Variants in CCDC102B observed in about 807,000 individuals in gnomAD.
CCDC102B encodes coiled-coil domain-containing protein 102B.
Under a neutral mutation model 57.4 loss-of-function variants are expected in CCDC102B, and 75 were observed. The ratio of observed to expected loss-of-function variants is 1.31; its 90% CI spans 1.08 to 1.58. CCDC102B has a LOEUF of 1.58. Ranked by LOEUF, CCDC102B falls within the 40% of genes most tolerant of loss-of-function variation. The probability of loss-of-function intolerance (pLI) is 0.00; values close to 1 mark genes in which losing one functional copy is unlikely to be tolerated. For missense variants in CCDC102B, 636 were observed against 582.6 expected, an observed-to-expected ratio of 1.09 and a Z score of -0.94; for synonymous variants, 206 against 201.9, an observed-to-expected ratio of 1.02 and a Z score of -0.17.
At chr18:68,929,978 G>T (rs2041613001) in intron 6 of CCDC102B, among the ~76,000 whole-genome samples, 1 of 151,416 alleles carries the variant, frequency 6.6e-6, no homozygotes, top group Non-Finnish European at 1.5e-5. Flanking sequence ...AATAAAAAGA[G>T]TAATTGCCTT....
At chr18:68,765,160 G>A (rs1224390927) in intron 2 of CCDC102B, among the ~76,000 whole-genome samples, 3 of 151,008 alleles carry the variant, frequency 2.0e-5, no homozygotes, top group African/African-American at 7.3e-5. Flanking sequence ...GGAATTTGAG[G>A]CTGCAATAAG....
chr18:68,947,019 TTCACAGGATAAAAA>T (rs2049559588), intron 6 of CCDC102B, among the ~76,000 whole-genome samples: 1 of 152,014 alleles, frequency 6.6e-6, no homozygotes, highest in Non-Finnish European at 1.5e-5. Context: ...TATGATTTGT[TTCACAGGATAAAAA>T]TCACAGCGTT....
chr18:68,749,567 G>C (rs972644221), intron 2 of CCDC102B, among the ~76,000 whole-genome samples: 48 of 152,064 alleles, frequency 3.2e-4, no homozygotes, highest in African/African-American at 1.1e-3. Flanking sequence ...TCATGATTTG[G>C]CTCTCTGTTT....
chr18:68,960,971 A>G (rs932455496), intron 6 of CCDC102B, among the ~76,000 whole-genome samples: 1 of 152,202 alleles, frequency 6.6e-6, no homozygotes, highest in Non-Finnish European at 1.5e-5. Flanking sequence ...CCAATCCATT[A>G]TATACAGTGG....
intron 7 of CCDC102B, among the ~76,000 whole-genome samples, chr18:69,053,019 G>A (rs1277627991): frequency 1.3e-5 from 2 of 151,788 alleles, no homozygotes; most frequent in African/African-American, 4.8e-5. Context: ...TTTGAAATCT[G>A]CAGAAGGTCT....
chr18:68,740,985 A>G (rs2033354767), intron 2 of CCDC102B, among the ~76,000 whole-genome samples: 1 of 152,150 alleles, frequency 6.6e-6, no homozygotes, highest in Non-Finnish European at 1.5e-5. Flanking sequence ...CTCATGTTGC[A>G]AATGTTGAGA....
intron 4 of CCDC102B, among the ~76,000 whole-genome samples, chr18:68,861,938 T>G (rs1310603062): frequency 1.3e-5 from 2 of 152,192 alleles, no homozygotes; most frequent in Non-Finnish European, 2.9e-5. Context: ...TAATAGAAAG[T>G]GATTGATTTC....
At chr18:68,784,563 A>G (rs1239732656) in intron 2 of CCDC102B, among the ~76,000 whole-genome samples, 1 of 152,226 alleles carries the variant, frequency 6.6e-6, no homozygotes, top group Admixed American at 6.5e-5. Context: ...GTAATACTTT[A>G]GAAATTCATA....
At chr18:68,757,880 G>A (rs2034108210) in intron 2 of CCDC102B, among the ~76,000 whole-genome samples, 1 of 152,048 alleles carries the variant, frequency 6.6e-6, no homozygotes, top group Non-Finnish European at 1.5e-5. Flanking sequence ...TGGCCAATTG[G>A]AAGCTCCAAC....
intron 4 of CCDC102B, among the ~76,000 whole-genome samples, chr18:68,870,312 A>G (rs1381394431): frequency 6.6e-6 from 1 of 152,170 alleles, no homozygotes; most frequent in Non-Finnish European, 1.5e-5. Context: ...TACCTATGTA[A>G]CAAACCTGCA....
At chr18:68,921,106 A>G (rs181831824) in intron 6 of CCDC102B, among the ~76,000 whole-genome samples, 12 of 152,294 alleles carry the variant, frequency 7.9e-5, no homozygotes, top group Admixed American at 7.2e-4. Flanking sequence ...GCTACTTCAG[A>G]GGTGCCCTCA....
intron 2 of CCDC102B, among the ~76,000 whole-genome samples, chr18:68,763,779 A>G (rs981077007): frequency 3.3e-5 from 5 of 150,412 alleles, no homozygotes; most frequent in African/African-American, 1.2e-4. Context: ...ATATTCCTCA[A>G]TACAGCAGTA....
chr18:68,718,371 G>A (rs1054662495), intron 2 of CCDC102B, among the ~76,000 whole-genome samples: 25 of 152,140 alleles, frequency 1.6e-4, no homozygotes, highest in Non-Finnish European at 7.3e-5. Flanking sequence ...GGAGAACTAC[G>A]TGCAAATCCT....
At chr18:68,988,069 A>G (rs2050767984) in intron 6 of CCDC102B, among the ~76,000 whole-genome samples, 1 of 152,178 alleles carries the variant, frequency 6.6e-6, no homozygotes, top group South Asian at 2.1e-4. Context: ...AATATAAACG[A>G]TTCTATTGTA....
chr18:68,880,490 G>A (rs559089620), intron 5 of CCDC102B, among the ~76,000 whole-genome samples: 159 of 152,354 alleles, frequency 1.0e-3, no homozygotes, highest in African/African-American at 3.7e-3. Context: ...GCCAAAGTGG[G>A]AGCCCAGGCA....
intron 6 of CCDC102B, among the ~76,000 whole-genome samples, chr18:68,998,989 TATATATATATAGAGAGAGAG>T (rs1342706564): frequency 3.6e-3 from 267 of 75,096 alleles, no homozygotes; most frequent in Middle Eastern, 7.0e-3. Flanking sequence ...TATATATATA[TATATATATATAGAGAGAGAG>T]AGAGAGAGAG....
At position 68,822,232 on chromosome 18, in the gene CCDC102B, A is replaced by G. The variant is rs998843648; in HGVS notation, c.-15-14517A>G. On this transcript the variant is annotated intron_variant, in intron 1 of 7. Transcript: ENST00000360242. ...AACATAGTGAAACCCTGTCTCTACTAAAAATACAAAAATTAGCTGGTCACA... is the reference window on the plus strand; with the variant it reads ...AACATAGTGAAACCCTGTCTCTACTGAAAATACAAAAATTAGCTGGTCACA... Among the ~76,000 whole-genome samples the G allele has an allele frequency of 7.2e-5, 11 of 152,140 alleles. No homozygotes were observed. The East Asian group carries it at 1.6e-3, about 21-fold the overall frequency.
intron 2 of CCDC102B, among the ~76,000 whole-genome samples, chr18:68,726,213 G>A (rs944049464): frequency 7.9e-5 from 12 of 152,190 alleles, no homozygotes; most frequent in African/African-American, 2.9e-4. Context: ...CTCCGACTGA[G>A]TGAAATTTTT....
intron 6 of CCDC102B, among the ~76,000 whole-genome samples, chr18:68,974,056 A>T (rs961184606): frequency 2.0e-5 from 3 of 152,128 alleles, no homozygotes; most frequent in Non-Finnish European, 4.4e-5. Flanking sequence ...AGACTTTACT[A>T]ACTTTTGTCA....
Sources: gnomAD v4.1 joint callset for allele counts (sites outside exome capture counted in the v4.1 genomes callset) on GRCh38, gnomAD v4.1.1 for gene constraint, MANE v1.5 for transcripts, NCBI Gene and HGNC (gene_info 2026-07-23, HGNC 2026-07-21) for gene names.